Variants in GLYCTK observed in about 807,000 individuals in gnomAD.
GLYCTK encodes the protein glycerate kinase.
GLYCTK carries 22 observed loss-of-function variants against 24.8 expected under a neutral mutation model. The ratio of observed to expected loss-of-function variants is 0.89; its 90% CI spans 0.63 to 1.27. GLYCTK has a LOEUF of 1.27. Among genes scored for constraint, GLYCTK ranks in the 50% most tolerant of loss-of-function variants. The pLI is 0.00. For synonymous variants in GLYCTK, 320 were observed against 297.2 expected, an observed-to-expected ratio of 1.08 and a Z score of -0.79; for missense variants, 684 against 686.7, an observed-to-expected ratio of 1.00 and a Z score of 0.04.
chr3:52,290,019 G>A, intron 1 of GLYCTK: 1 of 434,660 alleles, frequency 2.3e-6, no homozygotes, highest in Non-Finnish European at 4.1e-6. Context: ...GGTGACCTGG[G>A]AGGAGGGCCC....
At position 52,292,356 on chromosome 3, in the gene GLYCTK, C is replaced by T; in HGVS notation, c.802C>T (p.Leu268=). The T allele has an allele frequency of 6.2e-7, 1 of 1,614,056 alleles. No individual in the cohort carries two copies. The change falls in exon 5 of 5, where the codon CTG becomes TTG. Residue 268 remains leucine, a synonymous_variant. Transcript: ENST00000436784. ...VASSHNVQDC[L]HILNRYGLRA... ...CAGTTCCCACAATGTGCAAGATTGC[C>T]TGCATATCCTCAATCGCTACGGCCT...
chr3:52,290,216 C>T (rs1319959502), intron 1 of GLYCTK, 88 bp from the exon 2 acceptor site: 2 of 1,075,746 alleles, frequency 1.9e-6, no homozygotes, highest in Non-Finnish European at 2.6e-6. Context: ...CTGTGGGGTC[C>T]ACTGGCCCTG....
Position 52,292,667 on chromosome 3 carries a change from T to C in GLYCTK, c.1113T>C (p.Asp371=). 1 of 1,606,538 alleles carries C rather than the reference T, an allele frequency of 6.2e-7. No individual in the cohort carries two copies. Among genetic ancestry groups the C allele is most frequent in the Non-Finnish European group, 8.5e-7 (1 of 1,174,712 alleles). The change falls in exon 5 of 5, where the codon GAT becomes GAC. Residue 371 remains aspartate, a synonymous_variant. Coordinates refer to ENST00000436784, the MANE Select transcript of GLYCTK (RefSeq NM_145262.4). The part of the protein sequence containing the change: ...PSMAGASVEE[D]AQLHELAAEL... Reference sequence around the variant, plus strand: ...TGGCTGGGGCTTCTGTGGAGGAAGATGCACAGCTCCATGAGCTGGCAGCTG... The same window carrying C: ...TGGCTGGGGCTTCTGTGGAGGAAGACGCACAGCTCCATGAGCTGGCAGCTG...
At chr3:52,291,287 C>G (rs1700461345) in intron 3 of GLYCTK, 176 bp downstream of exon 3, 1 of 726,766 alleles carries the variant, frequency 1.4e-6, no homozygotes, top group African/African-American at 1.7e-5. Flanking sequence ...GTCTGGCCTC[C>G]CCTGAGCTGT....
Position 52,292,121 on chromosome 3 carries a change from C to T in GLYCTK, c.706-139C>T, listed in dbSNP as rs367737334. On this transcript the variant is annotated intron_variant, in intron 4 of 4. Coordinates refer to ENST00000436784, the MANE Select transcript of GLYCTK (RefSeq NM_145262.4). Reference sequence around the variant, plus strand: ...CATGACCAGGTGTTTTGCAAGCCCACGTGAGAGGAGTTAACCATGGGTAAG... The same window carrying T: ...CATGACCAGGTGTTTTGCAAGCCCATGTGAGAGGAGTTAACCATGGGTAAG... The T allele has an allele frequency of 5.8e-4, 737 of 1,272,106 alleles. 13 individuals carry two copies. The South Asian group carries it at 9.5e-3, about 16-fold the overall frequency. 78.8% of individuals were successfully genotyped at this position (1,272,106 alleles called of 1,614,324 possible). A position where few individuals can be genotyped will look rare whatever the true frequency, so the allele number is the denominator to read the frequency against.
chr3:52,288,241 C>G (rs1303051516), intron 1 of GLYCTK, among the ~76,000 whole-genome samples: 1 of 152,154 alleles, frequency 6.6e-6, no homozygotes, highest in Non-Finnish European at 1.5e-5. Flanking sequence ...GAGTTAGAAT[C>G]TCACTCTGTC....
rs1428051152 is a variant in GLYCTK at position 52,291,747 on chromosome 3, G to T, written c.530G>T (p.Gly177Val). ...ADDLLLVLIS[G>V]GGSALLPAPI... ...CCTGATACCCTCATTGTCTTGAGAG[G>T]TGGGGGTTCAGCTCTGCTGCCTGCC... The change falls in exon 4 of 5, where the codon GGT becomes GTT. Residue 177 changes from glycine to valine, a missense_variant and splice_region_variant. By Grantham distance (109) the Gly-to-Val change is moderately radical. Transcript: ENST00000436784. 1.2e-6 allele frequency: 2 copies of T among 1,613,452 alleles called. No homozygotes were observed. The highest frequency in any genetic ancestry group is 1.1e-5 in the South Asian group (1 of 91,080).
In GLYCTK at chr3:52,292,637, A is replaced by C. The variant is rs992915863; in HGVS notation, c.1083A>C (p.Pro361=). The C allele has an allele frequency of 5.0e-6, 8 of 1,608,840 alleles. No homozygotes were observed. Among genetic ancestry groups the C allele is most frequent in the Non-Finnish European group, 6.0e-6 (7 of 1,176,356 alleles). ...LAHVARTRLT[P]SMAGASVEED... ...ATGTGGCTAGAACCCGCCTCACCCC[A>C]TCCATGGCTGGGGCTTCTGTGGAGG... is the stretch of plus-strand genomic sequence containing the variant. The change falls in exon 5 of 5, where the codon CCA becomes CCC. Residue 361 remains proline, a synonymous_variant. Coordinates refer to ENST00000436784, the MANE Select transcript of GLYCTK (RefSeq NM_145262.4).
In GLYCTK at chr3:52,291,130, C is replaced by T; in HGVS notation, c.529+19C>T. 1 of 1,606,638 alleles carries T rather than the reference C, an allele frequency of 6.2e-7. No homozygotes were observed. The highest frequency in any genetic ancestry group is 1.3e-5 in the African/African-American group (1 of 75,016). On this transcript the variant is annotated intron_variant, in intron 3 of 4. Coordinates refer to ENST00000436784, the MANE Select transcript of GLYCTK (RefSeq NM_145262.4). ...ATCTCAGGTGTGGTACCACATTGGC[C>T]CAAGACTGTTGGTGGGGGGTGCACC... is the stretch of plus-strand genomic sequence containing the variant.
At position 52,294,862 on chromosome 3, in the gene GLYCTK, G is replaced by T. The variant is rs1398114383; in HGVS notation, c.*1736G>T. Reference sequence around the variant, plus strand: ...TCCCCAGTGTGTGTGTGGGTGGTAGGTGTGTGAGTATACAGACGTTGGTGT... The same window carrying T: ...TCCCCAGTGTGTGTGTGGGTGGTAGTTGTGTGAGTATACAGACGTTGGTGT... On this transcript the variant is annotated 3_prime_UTR_variant, in exon 5 of 5. Transcript: ENST00000436784. 2.2e-6 allele frequency: 1 copy of T among 454,100 alleles called. No individual in the cohort carries two copies. Among genetic ancestry groups the T allele is most frequent in the Admixed American group, 2.3e-5 (1 of 42,576 alleles). The allele number at this position is 454,100 out of a possible 1,614,324, so 28.1% of individuals were successfully genotyped here.
Position 52,291,033 on chromosome 3 carries a change from G to A in GLYCTK, c.451G>A (p.Ala151Thr). 1 of 1,613,826 alleles carries A rather than the reference G, an allele frequency of 6.2e-7. No homozygotes were observed. Among genetic ancestry groups the A allele is most frequent in the Non-Finnish European group, 8.5e-7 (1 of 1,180,034 alleles). ...GGAGGACAACCTCCCGGACCGCGAT[G>A]CGCTGCGGGCTGCACTGGCCATCCA... ...GAEDNLPDRDALRAALAIQQL... is the reference protein window; with the variant it reads ...GAEDNLPDRDTLRAALAIQQL... Residue 151 changes from alanine to threonine, a missense_variant, in exon 3 of 5, where the codon GCG becomes ACG. Coordinates refer to ENST00000436784, the MANE Select transcript of GLYCTK (RefSeq NM_145262.4).
In GLYCTK at chr3:52,294,819, G is replaced by C. The variant is rs1269147140; in HGVS notation, c.*1693G>C. ...AGCTGGGGCAGGGGCTGCAGGAGCT[G>C]AGGGCCTGGCAGCCATGTCCCCAGT... On this transcript the variant is annotated 3_prime_UTR_variant, in exon 5 of 5. Transcript: ENST00000436784. The C allele has an allele frequency of 2.2e-6, 1 of 453,962 alleles. No individual in the cohort carries two copies. Among genetic ancestry groups the C allele is most frequent in the Non-Finnish European group, 4.4e-6 (1 of 226,776 alleles). 28.1% of individuals were successfully genotyped at this position (453,962 alleles called of 1,614,324 possible).
Position 52,292,463 on chromosome 3 carries a change from T to C in GLYCTK, c.909T>C (p.His303=). ...CCCATGGGCCACACACCTGTGGCCA[T>C]GTCCTGAATGTGATCATTGGCTCTA... ...SDPHGPHTCG[H]VLNVIIGSNV... The change falls in exon 5 of 5, where the codon CAT becomes CAC. Residue 303 remains histidine (H), a synonymous_variant. Coordinates refer to ENST00000436784, the MANE Select transcript of GLYCTK (RefSeq NM_145262.4). 1.9e-6 allele frequency: 3 copies of C among 1,613,046 alleles called. No homozygotes were observed. The highest frequency in any genetic ancestry group is 2.5e-6 in the Non-Finnish European group (3 of 1,179,716).
Position 52,290,663 on chromosome 3 carries a change from G to T in GLYCTK, c.321G>T (p.Gln107His), listed in dbSNP as rs1320925265. 8 of 1,613,712 alleles carry T rather than the reference G, an allele frequency of 5.0e-6. No homozygotes were observed. Among genetic ancestry groups the T allele is most frequent in the Non-Finnish European group, 6.8e-6 (8 of 1,179,978 alleles). ...AACTACTGGGCCAGCATCTTGTGCA[G>T]GGCGTGATCAGCGTTCCCAAGGGGA... The part of the protein sequence containing the change: ...AEELLGQHLV[Q>H]GVISVPKGIR... The change falls in exon 2 of 5, where the codon CAG (glutamine) becomes CAT (histidine). Residue 107 changes from glutamine (Q) to histidine (H), a missense_variant. Coordinates refer to ENST00000436784, the MANE Select transcript of GLYCTK (RefSeq NM_145262.4).
At position 52,292,755 on chromosome 3, in the gene GLYCTK, C is replaced by A. The variant is rs572117989; in HGVS notation, c.1201C>A (p.Pro401Thr). The change falls in exon 5 of 5, where the codon CCA (proline) becomes ACA (threonine). Residue 401 changes from proline to threonine, a missense_variant. By Grantham distance (38) the Pro-to-Thr change is conservative. Transcript: ENST00000436784. ...GGAGACCATGGCATGGGGAAGGGGC[C>A]CAGTCTGCCTGCTGGCTGGTGGCGA... ...ALETMAWGRG[P>T]VCLLAGGEPT... The A allele has an allele frequency of 6.2e-7, 1 of 1,608,026 alleles. No individual in the cohort carries two copies. The highest frequency in any genetic ancestry group is 1.3e-5 in the African/African-American group (1 of 74,976).
Position 52,293,749 on chromosome 3 carries a change from C to T in GLYCTK, c.*623C>T. The T allele has an allele frequency of 2.2e-6, 1 of 453,502 alleles. No individual in the cohort carries two copies. Among genetic ancestry groups the T allele is most frequent in the Non-Finnish European group, 4.4e-6 (1 of 226,394 alleles). The allele number at this position is 453,502 out of a possible 1,614,324, so 28.1% of individuals were successfully genotyped here. A position where few individuals can be genotyped will look rare whatever the true frequency, so the allele number is the denominator to read the frequency against. On this transcript the variant is annotated 3_prime_UTR_variant, in exon 5 of 5. Transcript: ENST00000436784. The stretch of plus-strand genomic sequence containing the variant: ...AAGACTGCAGTCTGGGGTGACCAGC[C>T]ACCCACCCACCCAACCATGACTCCA...
chr3:52,294,339 C>G lies in GLYCTK; in HGVS notation c.*1213C>G. 1.9e-6 allele frequency: 1 copy of G among 534,328 alleles called. No individual in the cohort carries two copies. Among genetic ancestry groups the G allele is most frequent in the Non-Finnish European group, 3.8e-6 (1 of 260,012 alleles). 33.1% of individuals were successfully genotyped at this position (534,328 alleles called of 1,614,324 possible). A position where few individuals can be genotyped will look rare whatever the true frequency, so the allele number is the denominator to read the frequency against. ...TGCTCTTGCAGGCACTTCTTCCACC[C>G]CAACCCTCCCCTCCTCCCTGAGGGT... On this transcript the variant is annotated 3_prime_UTR_variant, in exon 5 of 5. Coordinates refer to ENST00000436784, the MANE Select transcript of GLYCTK (RefSeq NM_145262.4).
Position 52,292,346 on chromosome 3 carries a change from G to T in GLYCTK, c.792G>T (p.Val264=), listed in dbSNP as rs768021314. 6.2e-7 allele frequency: 1 copy of T among 1,614,052 alleles called. No individual in the cohort carries two copies. The highest frequency in any genetic ancestry group is 1.7e-4 in the Middle Eastern group (1 of 6,058). ...CCACCGTGGCCAGTTCCCACAATGT[G>T]CAAGATTGCCTGCATATCCTCAATC... is the stretch of plus-strand genomic sequence containing the variant. The part of the protein sequence containing the change: ...SGPTVASSHN[V]QDCLHILNRY... The change falls in exon 5 of 5, where the codon GTG becomes GTT. Residue 264 remains valine (V), a synonymous_variant. Transcript: ENST00000436784.
Position 52,293,336 on chromosome 3 carries a change from C to T in GLYCTK, c.*210C>T. On this transcript the variant is annotated 3_prime_UTR_variant, in exon 5 of 5. Coordinates refer to ENST00000436784, the MANE Select transcript of GLYCTK (RefSeq NM_145262.4). ...ACTGGCAGATGGGGGCTTCCCCCTACCCCTGAGGATGAGGACAAGCCCCTC... is the reference window on the plus strand; with the variant it reads ...ACTGGCAGATGGGGGCTTCCCCCTATCCCTGAGGATGAGGACAAGCCCCTC... The T allele has an allele frequency of 2.8e-6, 2 of 706,610 alleles. No individual in the cohort carries two copies. Among genetic ancestry groups the T allele is most frequent in the Middle Eastern group, 2.3e-4 (1 of 4,368 alleles). The allele number at this position is 706,610 out of a possible 1,614,324, so 43.8% of individuals were successfully genotyped here.
Sources: allele counts gnomAD v4.1 joint callset (sites outside exome capture counted in the v4.1 genomes callset), GRCh38; gene constraint gnomAD v4.1.1; transcripts MANE v1.5; gene names NCBI Gene and HGNC (gene_info 2026-07-23, HGNC 2026-07-21).